Variants in MAPT observed in about 807,000 individuals in gnomAD.
The protein encoded by MAPT is microtubule-associated protein tau.
In MAPT, 34 loss-of-function variants were observed where a neutral mutation model predicts 67.9. The ratio of observed to expected loss-of-function variants is 0.50; its 90% CI spans 0.38 to 0.67. The LOEUF (loss-of-function observed/expected upper bound fraction) is 0.67, where lower values mean the gene tolerates loss of function less well. Among genes scored for constraint, MAPT ranks in the 30% least tolerant of loss-of-function variants. MAPT has a pLI of 0.00. For missense variants in MAPT, 881 were observed against 1,115.2 expected (o/e 0.79, Z 2.99); for synonymous variants, 456 against 464.5 (o/e 0.98, Z 0.23).
intron 3 of MAPT, chr17:45,976,254 T>G (rs1307183086): frequency 1.3e-5 from 2 of 152,258 alleles, no homozygotes; most frequent in Non-Finnish European, 2.9e-5. Context: ...TCTTCCATCC[T>G]CTAGTGTTCC....
chr17:45,970,885 G>A (rs2071593892), intron 2 of MAPT, among the ~76,000 whole-genome samples: 1 of 152,236 alleles, frequency 6.6e-6, no homozygotes. Flanking sequence ...TCCTCCCTCA[G>A]GAGAGTGTGT....
rs1463976806 is a variant in MAPT at position 46,010,632 on chromosome 17, G to A, written c.2091+230G>A. Among the ~76,000 whole-genome samples, 1 of 152,140 alleles carries A rather than the reference G, an allele frequency of 6.6e-6. No homozygotes were observed. Among genetic ancestry groups the A allele is most frequent in the Non-Finnish European group, 1.5e-5 (1 of 68,020 alleles). On this transcript the variant is annotated intron_variant, in intron 10 of 12. Transcript: ENST00000262410. The surrounding 1 kb of genome is among the most constrained non-coding windows in gnomAD (Gnocchi z 4.7). ...TAGGAGGGGGTGTCCCAGCATTTCT[G>A]GGTCCCCCAGCCTGCGCAGGCTGTG...
chr17:45,928,909 G>T (rs2066604542), intron 1 of MAPT, among the ~76,000 whole-genome samples: 1 of 152,070 alleles, frequency 6.6e-6, no homozygotes, highest in African/African-American at 2.4e-5. Flanking sequence ...TGTTAGCCAG[G>T]ATGGTCTCGA....
chr17:46,018,058 T>C (rs1359004014), intron 11 of MAPT, among the ~76,000 whole-genome samples: 3 of 148,662 alleles, frequency 2.0e-5, no homozygotes, highest in South Asian at 2.1e-4. Context: ...GGCAGGAGAA[T>C]GGCATGAACC....
chr17:45,936,065 CATG>C (rs2067295566), intron 1 of MAPT, among the ~76,000 whole-genome samples: 5 of 152,226 alleles, frequency 3.3e-5, no homozygotes, highest in Admixed American at 2.6e-4. Flanking sequence ...AGCATGAAGC[CATG>C]CGTGTGGTAG....
intron 2 of MAPT, among the ~76,000 whole-genome samples, chr17:45,965,628 C>T (rs1042953860): frequency 4.6e-5 from 7 of 151,942 alleles, no homozygotes; most frequent in South Asian, 2.1e-4. Context: ...GTTGGCCAGG[C>T]TCGTCTGGGA....
chr17:45,909,863 C>G (rs1206552859), intron 1 of MAPT, among the ~76,000 whole-genome samples: 11 of 98,350 alleles, frequency 1.1e-4, no homozygotes, highest in Middle Eastern at 0.011. Context: ...GAGCAAGACT[C>G]TGTCTCAAAA....
intron 5 of MAPT, among the ~76,000 whole-genome samples, chr17:45,984,871 C>A (rs1006275692): frequency 1.3e-5 from 2 of 152,198 alleles, no homozygotes; most frequent in Non-Finnish European, 2.9e-5. Context: ...AAATTTGGGA[C>A]CCTTAGCATT....
chr17:46,014,185 T>G (rs1335830067), intron 10 of MAPT, 58 bp from the exon 11 acceptor site: 1 of 980,352 alleles, frequency 1.0e-6, no homozygotes, highest in Admixed American at 1.8e-5. Flanking sequence ...CCTTTTTGTC[T>G]CTCTGTCTTC....
intron 1 of MAPT, among the ~76,000 whole-genome samples, chr17:45,918,122 C>T (rs1172993270): frequency 6.6e-6 from 1 of 152,202 alleles, no homozygotes; most frequent in African/African-American, 2.4e-5. Context: ...CTCTCACTGT[C>T]TTCCTTTTCC....
intron 4 of MAPT, chr17:45,979,803 G>A (rs1242004060): frequency 6.6e-6 from 1 of 152,162 alleles, no homozygotes; most frequent in Non-Finnish European, 1.5e-5. Flanking sequence ...GTTAGTGCAG[G>A]TGATGTCTAC....
intron 1 of MAPT, among the ~76,000 whole-genome samples, chr17:45,918,212 G>C (rs935505730): frequency 6.6e-6 from 1 of 152,184 alleles, no homozygotes; most frequent in Non-Finnish European, 1.5e-5. Flanking sequence ...CCTGCACCTG[G>C]CTGGTCTGTT....
intron 3 of MAPT, chr17:45,975,165 A>T (rs942078494): frequency 6.6e-6 from 1 of 152,376 alleles, no homozygotes. Flanking sequence ...CATTTCCTTC[A>T]TGTCTTCTTC....
In MAPT at chr17:46,024,175, G is replaced by C; in HGVS notation, c.*4G>C. 1 of 1,613,360 alleles carries C rather than the reference G, an allele frequency of 6.2e-7. No homozygotes were observed. Among genetic ancestry groups the C allele is most frequent in the Non-Finnish European group, 8.5e-7 (1 of 1,179,430 alleles). ...CCTGGCCAAGCAGGGTTTGTGATCA[G>C]GCCCCTGGGGCGGTCAATAATTGTG... On this transcript the variant is annotated 3_prime_UTR_variant, in exon 13 of 13. Coordinates refer to ENST00000262410, the MANE Select transcript of MAPT (RefSeq NM_001377265.1).
At chr17:46,021,019 G>C (rs2076495277) in intron 12 of MAPT, among the ~76,000 whole-genome samples, 1 of 152,212 alleles carries the variant, frequency 6.6e-6, no homozygotes, top group Non-Finnish European at 1.5e-5. Flanking sequence ...GCCCTGGCCA[G>C]TCCCCGCCCT....
rs780983535 is a variant in MAPT, at chr17:45,983,471, G to A, written c.892G>A (p.Asp298Asn). Residue 298 changes from aspartate to asparagine, a missense_variant, in exon 5 of 13, where the codon GAC (aspartate) becomes AAC (asparagine). Asp to Asn is a conservative substitution (Grantham distance 23, BLOSUM62 1). Around this residue, in one of 6 missense-constraint regions of MAPT, gnomAD observed 687 missense variants for 766.1 expected, o/e 0.90. Transcript: ENST00000262410. The stretch of plus-strand genomic sequence containing the variant: ...CAAGGAGGAGGTGGATGAAGACCGC[G>A]ACGTCGATGAGTCCTCCCCCCAAGA... Reference protein sequence around the residue: ...GSKEEVDEDRDVDESSPQDSP... With the variant: ...GSKEEVDEDRNVDESSPQDSP... 5.6e-6 allele frequency: 9 copies of A among 1,608,532 alleles called. No homozygotes were observed. In the East Asian group the frequency reaches 1.1e-4, roughly 20 times the overall value.
In MAPT at chr17:45,938,249, G is replaced by A. The variant is rs556953701; in HGVS notation, c.-17-24072G>A. On this transcript the variant is annotated intron_variant, in intron 1 of 12. Coordinates refer to ENST00000262410, the MANE Select transcript of MAPT (RefSeq NM_001377265.1). ...TGGCAAGGTTGCGGTCCTTTCTGGA[G>A]GGTCCAGGGGAGAATCCATTTTCTT... 6.0e-4 allele frequency among the ~76,000 whole-genome samples: 92 copies of A among 152,078 alleles called. 1 individual carries two copies. In the South Asian group the frequency reaches 0.018, roughly 30 times the overall value.
intron 1 of MAPT, among the ~76,000 whole-genome samples, chr17:45,902,225 T>C (rs1356798638): frequency 6.6e-6 from 1 of 152,134 alleles, no homozygotes; most frequent in East Asian, 1.9e-4. Flanking sequence ...GTACACACCA[T>C]AATGCTCGGC....
At chr17:46,014,346 G>A in intron 11 of MAPT, 22 bp downstream of exon 11, 2 of 1,560,534 alleles carry the variant, frequency 1.3e-6, no homozygotes, top group Non-Finnish European at 1.8e-6. Flanking sequence ...GAAGGTGAGG[G>A]TTGGGACGGG....
Sources: gnomAD v4.1 joint callset for allele counts (sites outside exome capture counted in the v4.1 genomes callset) on GRCh38, gnomAD v4.1.1 for gene constraint, gnomAD v4.1.1 regional missense constraint, Gnocchi (gnomAD v3.1) non-coding constraint, MANE v1.5 for transcripts, NCBI Gene and HGNC (gene_info 2026-07-23, HGNC 2026-07-21) for gene names.